Variants in CERS5 observed in about 807,000 individuals in gnomAD.
CERS5 encodes ceramide synthase 5.
In CERS5, 37 loss-of-function variants were observed where a neutral mutation model predicts 58.9. The ratio of observed to expected loss-of-function variants is 0.63; its 90% CI spans 0.48 to 0.83. CERS5 has a LOEUF of 0.83. Ranked by LOEUF, CERS5 falls within the 40% of genes least tolerant of loss-of-function variation. CERS5 has a pLI of 0.00. For synonymous variants in CERS5, 147 were observed against 177.8 expected (o/e 0.83, Z 1.38); for missense variants, 398 against 489.3 (o/e 0.81, Z 1.76).
chr12:50,166,082 G>A (rs1021833092), intron 1 of CERS5: 8 of 345,170 alleles, frequency 2.3e-5, no homozygotes, highest in Non-Finnish European at 4.6e-5. Flanking sequence ...CAGCACTTTG[G>A]GAGGCAGAGG....
At chr12:50,161,798 A>AAAAAAAAAAAAAAAAAAAAAAAAAT in intron 1 of CERS5, among the ~76,000 whole-genome samples, 1 of 149,796 alleles carries the variant, frequency 6.7e-6, no homozygotes, top group African/African-American at 2.4e-5. Flanking sequence ...AAAAAAAAAA[A>AAAAAAAAAAAAAAAAAAAAAAAAAT]AAGCAAAGTT....
chr12:50,144,132 A>G lies in CERS5; in HGVS notation c.198-75T>C, dbSNP rs1026444792. 6.1e-6 allele frequency: 5 copies of G among 824,688 alleles called. No individual in the cohort carries two copies. In the Admixed American group the frequency reaches 9.0e-5, roughly 15 times the overall value. The allele number at this position is 824,688 out of a possible 1,614,324, so 51.1% of individuals were successfully genotyped here. A position where few individuals can be genotyped will look rare whatever the true frequency, so the allele number is the denominator to read the frequency against. On this transcript the variant is annotated intron_variant, in intron 1 of 9. Transcript: ENST00000317551. ...TATAGTTGACACATAATAATTGTAC[A>G]TATTTATGGGGTACAATGTGATGTT...
In CERS5 at chr12:50,131,572, A is replaced by G. The variant is rs554843605; in HGVS notation, c.1030-878T>C. On this transcript the variant is annotated intron_variant, in intron 9 of 9. Transcript: ENST00000317551. Reference sequence around the variant, plus strand: ...AGACTCCATCTCAAAAAAAAAAAAAAAAAAAGAAAAAAAAAAAGAAACTTC... The same window carrying G: ...AGACTCCATCTCAAAAAAAAAAAAAGAAAAAGAAAAAAAAAAAGAAACTTC... Among the ~76,000 whole-genome samples the G allele has an allele frequency of 3.4e-4, 42 of 125,256 alleles. No individual in the cohort carries two copies. In the East Asian group the frequency reaches 8.3e-3, roughly 25 times the overall value. The allele number at this position is 125,256 out of a possible 152,430, so 82.2% of individuals were successfully genotyped here.
chr12:50,138,676 T>G, intron 4 of CERS5, 59 bp from the exon 5 acceptor site: 1 of 1,416,654 alleles, frequency 7.1e-7, no homozygotes, highest in Non-Finnish European at 1.0e-6. Flanking sequence ...CTTCAAGATC[T>G]ACCTCATATA....
intron 6 of CERS5, 140 bp from the exon 7 acceptor site, chr12:50,136,209 A>C: frequency 1.0e-5 from 7 of 674,184 alleles, no homozygotes; most frequent in Non-Finnish European, 1.5e-5. Flanking sequence ...GAGGTGGCTC[A>C]TGCCTGTAAT....
In CERS5 at chr12:50,167,324, G is replaced by A. The variant is rs577244288; in HGVS notation, c.-27C>T. ...TTACGCCCACCCCGAAGCCACCGCC[G>A]CCACAAGCGTCAGCTGCCGCCACAG... On this transcript the variant is annotated 5_prime_UTR_variant, in exon 1 of 10. Coordinates refer to ENST00000317551, the MANE Select transcript of CERS5 (RefSeq NM_147190.5). 2.0e-6 allele frequency: 3 copies of A among 1,470,808 alleles called. No individual in the cohort carries two copies. Among genetic ancestry groups the A allele is most frequent in the Admixed American group, 2.6e-5 (1 of 38,856 alleles). The allele number at this position is 1,470,808 out of a possible 1,614,324, so 91.1% of individuals were successfully genotyped here. A position where few individuals can be genotyped will look rare whatever the true frequency, so the allele number is the denominator to read the frequency against.
rs1258358483 is a variant in CERS5 at position 50,130,591 on chromosome 12, T to C, written c.1133A>G (p.Asn378Ser). 1.1e-5 allele frequency: 17 copies of C among 1,612,598 alleles called. No homozygotes were observed. The highest frequency in any genetic ancestry group is 3.3e-5 in the Admixed American group (2 of 59,980). Residue 378 changes from asparagine (N) to serine (S), a missense_variant, in exon 10 of 10, where the codon AAT (asparagine) becomes AGT (serine). By Grantham distance (46) the Asn-to-Ser change is conservative. Coordinates refer to ENST00000317551, the MANE Select transcript of CERS5 (RefSeq NM_147190.5). ...PCDSSSSNGA[N>S]RVNGHMGGSY... ...GCCTCCCATGTGACCATTCACCCGA[T>C]TGGCACCATTGCTGGAGCTACTGTC...
chr12:50,155,736 C>CAAAAA (rs146913126), intron 1 of CERS5, among the ~76,000 whole-genome samples: 246 of 21,454 alleles, frequency 0.011, 53 homozygotes, highest in African/African-American at 0.03. Flanking sequence ...GACTCCATCT[C>CAAAAA]AAAAAAAAAA....
chr12:50,162,271 G>C (rs1440045852), intron 1 of CERS5, among the ~76,000 whole-genome samples: 1 of 147,354 alleles, frequency 6.8e-6, no homozygotes, highest in African/African-American at 2.5e-5. Flanking sequence ...ACTAGAACAA[G>C]AGGTTAAATC....
chr12:50,151,597 T>TTA (rs1937964681), intron 1 of CERS5, among the ~76,000 whole-genome samples: 1 of 152,266 alleles, frequency 6.6e-6, no homozygotes, highest in South Asian at 2.1e-4. Context: ...CTCATAAACT[T>TTA]ACTAAAGAGG....
intron 1 of CERS5, chr12:50,144,340 C>T: frequency 3.1e-6 from 1 of 321,342 alleles, no homozygotes; most frequent in South Asian, 5.7e-5. Context: ...ATCTTGAGCC[C>T]ATCTCAGACT....
Position 50,142,964 on chromosome 12 carries a change from T to C in CERS5, c.434+110A>G, listed in dbSNP as rs1274658210. The C allele has an allele frequency of 7.5e-6, 9 of 1,192,406 alleles. No individual in the cohort carries two copies. In the East Asian group the frequency reaches 2.0e-4, roughly 26 times the overall value. The allele number at this position is 1,192,406 out of a possible 1,614,324, so 73.9% of individuals were successfully genotyped here. Reference sequence around the variant, plus strand: ...TATAATAGGCTGAGTTAGTTCTCTATATCCATTAACTGTTGTCCTAACAAC... The same window carrying C: ...TATAATAGGCTGAGTTAGTTCTCTACATCCATTAACTGTTGTCCTAACAAC... On this transcript the variant is annotated intron_variant, in intron 3 of 9. Transcript: ENST00000317551.
At chr12:50,151,181 C>T (rs1164371263) in intron 1 of CERS5, among the ~76,000 whole-genome samples, 1 of 151,674 alleles carries the variant, frequency 6.6e-6, no homozygotes, top group African/African-American at 2.4e-5. Flanking sequence ...CTCAACTCTC[C>T]TTTCTCTCCC....
At chr12:50,158,694 G>A (rs1216383170) in intron 1 of CERS5, among the ~76,000 whole-genome samples, 6 of 152,090 alleles carry the variant, frequency 3.9e-5, no homozygotes, top group African/African-American at 1.2e-4. Flanking sequence ...CAAGTTAACC[G>A]ATTTCAATCT....
At position 50,131,952 on chromosome 12, in the gene CERS5, A is replaced by T. The variant is rs546755791; in HGVS notation, c.1030-1258T>A. 5.9e-5 allele frequency among the ~76,000 whole-genome samples: 9 copies of T among 152,082 alleles called. No homozygotes were observed. In the South Asian group the frequency reaches 1.9e-3, roughly 32 times the overall value. ...GTCTCTACAAAAAATAAAAAATGAC[A>T]AAATCAGTTGGGCATGGTGACATGC... On this transcript the variant is annotated intron_variant, in intron 9 of 9. Coordinates refer to ENST00000317551, the MANE Select transcript of CERS5 (RefSeq NM_147190.5).
intron 1 of CERS5, among the ~76,000 whole-genome samples, chr12:50,145,816 T>C (rs1256386783): frequency 1.3e-5 from 2 of 152,206 alleles, no homozygotes; most frequent in African/African-American, 4.8e-5. Context: ...CTTTTATATT[T>C]ACCAAGGTAC....
At chr12:50,151,932 C>T (rs952161619) in intron 1 of CERS5, among the ~76,000 whole-genome samples, 2 of 152,222 alleles carry the variant, frequency 1.3e-5, no homozygotes, top group Admixed American at 6.5e-5. Context: ...AGGCGTGAGT[C>T]GCCGTGCGCG....
chr12:50,151,767 T>G (rs1309787310), intron 1 of CERS5, among the ~76,000 whole-genome samples: 3 of 152,144 alleles, frequency 2.0e-5, no homozygotes, highest in East Asian at 3.9e-4. Flanking sequence ...TGCCTCAGCC[T>G]CCCGAGTAGC....
At chr12:50,143,563 A>G (rs1374657252) in intron 2 of CERS5, 1 of 254,232 alleles carries the variant, frequency 3.9e-6, no homozygotes, top group Non-Finnish European at 7.5e-6. Flanking sequence ...CCTGGGCAAC[A>G]TGGCAAAACC....
Sources: gnomAD v4.1 joint callset for allele counts (sites outside exome capture counted in the v4.1 genomes callset) on GRCh38, gnomAD v4.1.1 for gene constraint, MANE v1.5 for transcripts, NCBI Gene and HGNC (gene_info 2026-07-23, HGNC 2026-07-21) for gene names.